Variants in XYLT1 observed in about 807,000 individuals in gnomAD.
XYLT1 encodes beta-D-xylosyltransferase 1.
A neutral mutation model predicts 91.3 loss-of-function variants in XYLT1; 36 were observed. That is an observed-to-expected ratio of 0.39 (90% CI 0.30 to 0.52). XYLT1 has a LOEUF of 0.52. Ranked by LOEUF, XYLT1 falls within the 20% of genes least tolerant of loss-of-function variation. XYLT1 has a pLI of 0.68. For missense variants in XYLT1, 1,242 were observed against 1,284.5 expected (o/e 0.97, Z 0.51); for synonymous variants, 588 against 532.0 (o/e 1.11, Z -1.45).
intron 5 of XYLT1, among the ~76,000 whole-genome samples, chr16:17,169,431 T>C (rs1219058430): frequency 1.3e-5 from 2 of 152,228 alleles, no homozygotes; most frequent in Non-Finnish European, 2.9e-5. Context: ...GCCTCAGTGC[T>C]TTCACAGGAC....
At chr16:17,384,894 G>A (rs1472412163) in intron 1 of XYLT1, among the ~76,000 whole-genome samples, 3 of 151,854 alleles carry the variant, frequency 2.0e-5, no homozygotes, top group African/African-American at 4.8e-5. Context: ...TAACCCTGTT[G>A]TTGCTGCCTC....
At chr16:17,346,158 C>A (rs1044654601) in intron 2 of XYLT1, among the ~76,000 whole-genome samples, 1 of 152,102 alleles carries the variant, frequency 6.6e-6, no homozygotes, top group Non-Finnish European at 1.5e-5. Context: ...GGATCGCTGG[C>A]GTGTGGAAGG....
At chr16:17,354,678 CAGG>C (rs1478390116) in intron 2 of XYLT1, 1 of 152,222 alleles carries the variant, frequency 6.6e-6, no homozygotes, top group Non-Finnish European at 1.5e-5. Flanking sequence ...ACCCAGGGCT[CAGG>C]GTACATCTGT....
chr16:17,125,605 T>G (rs888867388), intron 10 of XYLT1, among the ~76,000 whole-genome samples: 4 of 152,112 alleles, frequency 2.6e-5, no homozygotes, highest in Non-Finnish European at 5.9e-5. Context: ...GCTTTAGCTT[T>G]GCAGTGATCT....
chr16:17,205,146 T>C (rs1016866552), intron 3 of XYLT1, among the ~76,000 whole-genome samples: 1 of 152,158 alleles, frequency 6.6e-6, no homozygotes, highest in African/African-American at 2.4e-5. Context: ...GCAGTGCAGG[T>C]GTGAAGGCTG....
At chr16:17,285,649 C>T (rs1024574280) in intron 2 of XYLT1, among the ~76,000 whole-genome samples, 4 of 152,176 alleles carry the variant, frequency 2.6e-5, no homozygotes, top group African/African-American at 9.7e-5. Context: ...GGCCCTTCAC[C>T]CCTCACCCTG....
At chr16:17,226,358 A>T (rs1035593878) in intron 3 of XYLT1, among the ~76,000 whole-genome samples, 1 of 152,226 alleles carries the variant, frequency 6.6e-6, no homozygotes, top group Middle Eastern at 3.2e-3. Context: ...GTACTATAGC[A>T]CTACTAGCAC....
chr16:17,371,936 C>G (rs1416596590), intron 1 of XYLT1, among the ~76,000 whole-genome samples: 1 of 152,102 alleles, frequency 6.6e-6, no homozygotes, highest in East Asian at 1.9e-4. Flanking sequence ...TCATTCAACA[C>G]CCCCCCAAAA....
At chr16:17,406,261 G>A (rs1386693681) in intron 1 of XYLT1, among the ~76,000 whole-genome samples, 1 of 152,196 alleles carries the variant, frequency 6.6e-6, no homozygotes. Flanking sequence ...ACTATATGAT[G>A]AGTGTTATTG....
chr16:17,139,927 G>C (rs956929935), intron 7 of XYLT1, among the ~76,000 whole-genome samples: 1 of 152,228 alleles, frequency 6.6e-6, no homozygotes, highest in African/African-American at 2.4e-5. Flanking sequence ...CCCAGACACA[G>C]GTGAGAGATG....
At chr16:17,332,641 A>G (rs1235625188) in intron 2 of XYLT1, among the ~76,000 whole-genome samples, 1 of 151,272 alleles carries the variant, frequency 6.6e-6, no homozygotes, top group Non-Finnish European at 1.5e-5. Context: ...GACTATTACA[A>G]TTTCCACAGA....
chr16:17,295,787 T>C (rs748519194), intron 2 of XYLT1, among the ~76,000 whole-genome samples: 1 of 152,162 alleles, frequency 6.6e-6, no homozygotes, highest in Non-Finnish European at 1.5e-5. Context: ...CCAGAGATGC[T>C]GCTTAATATC....
At chr16:17,169,272 T>C (rs1019005991) in intron 5 of XYLT1, among the ~76,000 whole-genome samples, 26 of 152,172 alleles carry the variant, frequency 1.7e-4, no homozygotes, top group Non-Finnish European at 2.6e-4. Context: ...AGTACCTCCT[T>C]CTACAAAGGC....
intron 2 of XYLT1, among the ~76,000 whole-genome samples, chr16:17,330,676 T>C (rs4780696): frequency 0.62 from 93,631 of 151,580 alleles, 29,494 homozygotes; most frequent in Admixed American, 0.7. Context: ...TGCCTGTAAT[T>C]CCAGCTACTC....
chr16:17,461,119 C>T (rs1044635357), intron 1 of XYLT1, among the ~76,000 whole-genome samples: 3 of 152,222 alleles, frequency 2.0e-5, no homozygotes, highest in African/African-American at 7.2e-5. Flanking sequence ...TGCCCATCTG[C>T]TCCCCTGGAT....
At chr16:17,143,674 G>A (rs929822325) in intron 6 of XYLT1, among the ~76,000 whole-genome samples, 6 of 152,066 alleles carry the variant, frequency 3.9e-5, no homozygotes, top group Admixed American at 1.3e-4. Context: ...CAGACCAAAA[G>A]CTACTCTCTC....
intron 1 of XYLT1, among the ~76,000 whole-genome samples, chr16:17,459,912 G>A (rs780709176): frequency 1.3e-5 from 2 of 152,294 alleles, no homozygotes; most frequent in East Asian, 3.9e-4. Flanking sequence ...GTTACAAGAC[G>A]CTGTGAGGAA....
intron 1 of XYLT1, among the ~76,000 whole-genome samples, chr16:17,456,407 G>A (rs539484666): frequency 2.0e-5 from 3 of 146,666 alleles, no homozygotes; most frequent in African/African-American, 5.1e-5. Flanking sequence ...GTGCGATCAC[G>A]GCTCACAGCA....
intron 1 of XYLT1, among the ~76,000 whole-genome samples, chr16:17,465,760 A>C (rs1343204936): frequency 1.3e-5 from 2 of 152,164 alleles, no homozygotes; most frequent in African/African-American, 4.8e-5. Context: ...AACTGCAAGA[A>C]ATTCCTTATT....
Sources: gnomAD v4.1 joint callset for allele counts (sites outside exome capture counted in the v4.1 genomes callset) on GRCh38, gnomAD v4.1.1 for gene constraint, MANE v1.5 for transcripts, NCBI Gene and HGNC (gene_info 2026-07-23, HGNC 2026-07-21) for gene names.